Variants in VSNL1 observed in about 807,000 individuals in gnomAD.
VSNL1 encodes visinin-like protein 1.
VSNL1 carries 6 observed loss-of-function variants against 20.4 expected under a neutral mutation model. That is an observed-to-expected ratio of 0.29 (90% CI 0.16 to 0.58). The LOEUF (loss-of-function observed/expected upper bound fraction) is 0.58, where lower values mean the gene tolerates loss of function less well. VSNL1 is among the 20% of genes least tolerant of loss of function. The probability of loss-of-function intolerance (pLI) is 0.90; values close to 1 mark genes in which losing one functional copy is unlikely to be tolerated. For missense variants in VSNL1, 100 were observed against 234.5 expected, an observed-to-expected ratio of 0.43 and a Z score of 3.75; for synonymous variants, 93 against 86.4, an observed-to-expected ratio of 1.08 and a Z score of -0.42.
At chr2:17,636,211 C>T (rs923648472) in intron 2 of VSNL1, among the ~76,000 whole-genome samples, 9 of 151,866 alleles carry the variant, frequency 5.9e-5, no homozygotes, top group African/African-American at 1.9e-4. Flanking sequence ...AGGCAATAGA[C>T]ACCTAGATTT....
chr2:17,554,035 A>G (rs1663615229), intron 1 of VSNL1, among the ~76,000 whole-genome samples: 1 of 152,198 alleles, frequency 6.6e-6, no homozygotes, highest in South Asian at 2.1e-4. Flanking sequence ...GTTAATGGAC[A>G]CTTTATGTAG....
At chr2:17,601,751 A>G (rs549834948) in intron 2 of VSNL1, among the ~76,000 whole-genome samples, 39 of 152,282 alleles carry the variant, frequency 2.6e-4, no homozygotes, top group African/African-American at 9.1e-4. Flanking sequence ...CCTGGCCAAC[A>G]TGGAGAAACC....
chr2:17,544,123 CTT>C (rs1663356763), intron 1 of VSNL1, among the ~76,000 whole-genome samples: 1 of 152,194 alleles, frequency 6.6e-6, no homozygotes, highest in African/African-American at 2.4e-5. Context: ...CTTGGGATCT[CTT>C]TCTCATTTCA....
chr2:17,622,532 AAAAGAAAG>A (rs201871488), intron 2 of VSNL1, among the ~76,000 whole-genome samples: 15,796 of 98,406 alleles, frequency 0.16, 1,604 homozygotes, highest in African/African-American at 0.21. Flanking sequence ...AGAAAGAAAG[AAAAGAAAG>A]AAAGAAAGAA....
In VSNL1 at chr2:17,656,050, T is replaced by C. The variant is rs1666225499; in HGVS notation, c.*656T>C. 6.6e-6 allele frequency: 1 copy of C among 152,666 alleles called. No individual in the cohort carries two copies. The highest frequency in any genetic ancestry group is 1.5e-5 in the Non-Finnish European group (1 of 68,050). 9.5% of individuals were successfully genotyped at this position (152,666 alleles called of 1,614,324 possible). A position where few individuals can be genotyped will look rare whatever the true frequency, so the allele number is the denominator to read the frequency against. ...ATGACTTATTGATTAAGTATATCTATCTATATATACATATACACAAAGATA... is the reference window on the plus strand; with the variant it reads ...ATGACTTATTGATTAAGTATATCTACCTATATATACATATACACAAAGATA... On this transcript the variant is annotated 3_prime_UTR_variant, in exon 4 of 4. Coordinates refer to ENST00000295156, the MANE Select transcript of VSNL1 (RefSeq NM_003385.5).
intron 1 of VSNL1, among the ~76,000 whole-genome samples, chr2:17,548,851 A>T (rs1189707816): frequency 1.3e-5 from 2 of 152,294 alleles, no homozygotes; most frequent in East Asian, 3.9e-4. Context: ...GCCCTAGCTT[A>T]GGCCTGTGTT....
chr2:17,602,832 G>A (rs1664862265), intron 2 of VSNL1, among the ~76,000 whole-genome samples: 1 of 152,108 alleles, frequency 6.6e-6, no homozygotes, highest in Non-Finnish European at 1.5e-5. Context: ...TAATAGAGAA[G>A]CTATTAGTTG....
intron 2 of VSNL1, among the ~76,000 whole-genome samples, chr2:17,596,963 T>C (rs1664725320): frequency 6.6e-6 from 1 of 152,246 alleles, no homozygotes; most frequent in Non-Finnish European, 1.5e-5. Flanking sequence ...TTGACGATCC[T>C]CTCATTTACA....
intron 1 of VSNL1, among the ~76,000 whole-genome samples, chr2:17,573,817 C>G (rs1447000311): frequency 6.6e-6 from 1 of 152,174 alleles, no homozygotes; most frequent in African/African-American, 2.4e-5. Context: ...CAAGATCTGC[C>G]ACAGATATTT....
rs563288587 is a variant in VSNL1 at position 17,563,079 on chromosome 2, A to C, written c.-6+22161A>C. ...CCATTTCTGCTAACAACAACAACAA[A>C]AAAAGGGATAGGACATATTAATAAC... On this transcript the variant is annotated intron_variant, in intron 1 of 3. Coordinates refer to ENST00000295156, the MANE Select transcript of VSNL1 (RefSeq NM_003385.5). 2.2e-4 allele frequency among the ~76,000 whole-genome samples: 34 copies of C among 152,320 alleles called. 1 individual carries two copies. In the East Asian group the frequency reaches 4.2e-3, roughly 19 times the overall value.
intron 2 of VSNL1, among the ~76,000 whole-genome samples, chr2:17,643,726 T>C (rs1258520094): frequency 6.6e-6 from 1 of 152,156 alleles, no homozygotes; most frequent in Non-Finnish European, 1.5e-5. Context: ...GTGACATGCA[T>C]GTGTGTAACA....
chr2:17,576,554 T>C (rs1486916113), intron 1 of VSNL1, among the ~76,000 whole-genome samples: 1 of 152,214 alleles, frequency 6.6e-6, no homozygotes, highest in East Asian at 1.9e-4. Flanking sequence ...AATATTTTGT[T>C]CATATTCTAT....
chr2:17,622,060 C>T (rs1572204199), intron 2 of VSNL1, among the ~76,000 whole-genome samples: 1 of 152,086 alleles, frequency 6.6e-6, no homozygotes, highest in East Asian at 1.9e-4. Flanking sequence ...TCATTCTCCT[C>T]AATTTTTCTG....
intron 1 of VSNL1, among the ~76,000 whole-genome samples, chr2:17,550,391 C>T (rs921227578): frequency 2.2e-4 from 33 of 152,032 alleles, no homozygotes; most frequent in African/African-American, 5.6e-4. Flanking sequence ...ACATCTGTAT[C>T]GTTTAAATTT....
chr2:17,571,190 T>C (rs1664073568), intron 1 of VSNL1, among the ~76,000 whole-genome samples: 1 of 152,214 alleles, frequency 6.6e-6, no homozygotes, highest in African/African-American at 2.4e-5. Flanking sequence ...GTTTTAGCTA[T>C]GGTTTGGGTC....
intron 1 of VSNL1, among the ~76,000 whole-genome samples, chr2:17,556,593 G>A (rs1018640762): frequency 2.0e-5 from 3 of 152,142 alleles, no homozygotes; most frequent in Non-Finnish European, 2.9e-5. Flanking sequence ...AGGACAGAGC[G>A]GGGGATAGGG....
chr2:17,563,429 G>A (rs1174810123), intron 1 of VSNL1, among the ~76,000 whole-genome samples: 1 of 152,162 alleles, frequency 6.6e-6, no homozygotes, highest in Non-Finnish European at 1.5e-5. Context: ...AGAGAATACA[G>A]AATATGGAAA....
chr2:17,601,760 C>A (rs563562750), intron 2 of VSNL1, among the ~76,000 whole-genome samples: 1 of 152,206 alleles, frequency 6.6e-6, no homozygotes, highest in Non-Finnish European at 1.5e-5. Context: ...CATGGAGAAA[C>A]CCCGTCTCTA....
intron 1 of VSNL1, among the ~76,000 whole-genome samples, chr2:17,570,940 C>T (rs200779227): frequency 6.6e-6 from 1 of 151,874 alleles, no homozygotes; most frequent in Non-Finnish European, 1.5e-5. Context: ...AGGCTGGAGT[C>T]GCTTGAACCC....
Sources: gnomAD v4.1 joint callset for allele counts (sites outside exome capture counted in the v4.1 genomes callset) on GRCh38, gnomAD v4.1.1 for gene constraint, MANE v1.5 for transcripts, NCBI Gene and HGNC (gene_info 2026-07-23, HGNC 2026-07-21) for gene names.